The following SLC12A5 variants were observed in gnomAD, a reference collection of about 807,000 sequenced individuals.
SLC12A5 encodes solute carrier family 12 member 5, also known as K-Cl cotransporter 2.
A neutral mutation model predicts 124.0 loss-of-function variants in SLC12A5; 18 were observed. The observed-to-expected ratio is 0.15, with a 90% confidence interval of 0.10 to 0.22. SLC12A5 has a LOEUF of 0.22. SLC12A5 is among the 10% of genes least tolerant of loss of function. The probability of loss-of-function intolerance (pLI) is 1.00; values close to 1 mark genes in which losing one functional copy is unlikely to be tolerated. For missense variants in SLC12A5, 867 were observed against 1,478.7 expected, an observed-to-expected ratio of 0.59 and a Z score of 6.78; for synonymous variants, 589 against 568.0, an observed-to-expected ratio of 1.04 and a Z score of -0.53.
chr20:46,030,829 A>C (rs1329824709), intron 1 of SLC12A5, among the ~76,000 whole-genome samples: 1 of 147,648 alleles, frequency 6.8e-6, no homozygotes, highest in East Asian at 2.1e-4. Context: ...GCTTCCCGCA[A>C]CTCCTCATTC....
At chr20:46,034,737 C>T (rs2084482002) in intron 1 of SLC12A5, among the ~76,000 whole-genome samples, 4 of 152,162 alleles carry the variant, frequency 2.6e-5, no homozygotes, top group Admixed American at 2.6e-4. Flanking sequence ...GAAGCACTCA[C>T]ACATCTGTTA....
chr20:46,036,818 G>A, intron 5 of SLC12A5, 23 bp downstream of exon 5: 4 of 1,613,712 alleles, frequency 2.5e-6, no homozygotes, highest in Non-Finnish European at 3.4e-6. Flanking sequence ...GGCTTTGTGG[G>A]GAGGGAGGAT....
In SLC12A5 at chr20:46,056,389, G is replaced by A. The variant is rs751920054; in HGVS notation, c.2935G>A (p.Ala979Thr). 8.1e-6 allele frequency: 13 copies of A among 1,612,314 alleles called. No homozygotes were observed. The highest frequency in any genetic ancestry group is 1.6e-4 in the Middle Eastern group (1 of 6,070). The change falls in exon 23 of 26, where the codon GCT becomes ACT. Residue 979 changes from alanine to threonine, a missense_variant. Ala to Thr is a moderately conservative substitution (Grantham distance 58). This residue lies in a region of SLC12A5 where 180 missense variants were observed against 243.6 expected (regional missense o/e 0.74). Transcript: ENST00000243964. The surrounding 1 kb of genome is among the most constrained non-coding windows in gnomAD (Gnocchi z 4.3). The stretch of plus-strand genomic sequence containing the variant: ...GGTGCAGCTGATCCACGATCAGAGT[G>A]CTCCCAGCTGCCCCAGCAGCTCCCC... ...EEVQLIHDQS[A>T]PSCPSSSPSP...
chr20:46,044,295 TG>T (rs1298719296), intron 11 of SLC12A5, among the ~76,000 whole-genome samples: 18 of 152,070 alleles, frequency 1.2e-4, no homozygotes, highest in African/African-American at 3.9e-4. Flanking sequence ...AAATAACACA[TG>T]GTTTTTGTAC....
In SLC12A5 at chr20:46,037,752, C is replaced by T. The variant is rs80128075; in HGVS notation, c.612+367C>T. Among the ~76,000 whole-genome samples the T allele has an allele frequency of 8.5e-3, 1,297 of 152,170 alleles. 11 individuals are homozygous for T. Among genetic ancestry groups the T allele is most frequent in the Admixed American group, 0.014 (213 of 15,294 alleles). ...CAAGGTCACTCAGCTCTCAGATAGGCGGCAGAGGTGGGTTGATGAGTTAAA... is the reference window on the plus strand; with the variant it reads ...CAAGGTCACTCAGCTCTCAGATAGGTGGCAGAGGTGGGTTGATGAGTTAAA... On this transcript the variant is annotated intron_variant, in intron 6 of 25. Coordinates refer to ENST00000243964, the MANE Select transcript of SLC12A5 (RefSeq NM_020708.5).
intron 18 of SLC12A5, 91 bp from the exon 19 acceptor site, chr20:46,052,866 T>A: frequency 7.1e-7 from 1 of 1,417,872 alleles, no homozygotes; most frequent in Non-Finnish European, 9.5e-7. Context: ...GGTGGAGTGC[T>A]GGCTGCCAGG....
At chr20:46,048,891 A>G (rs2084624134) in intron 16 of SLC12A5, among the ~76,000 whole-genome samples, 1 of 148,890 alleles carries the variant, frequency 6.7e-6, no homozygotes, top group African/African-American at 2.5e-5. Flanking sequence ...GGGAAATTGG[A>G]GGTCAGAGAG....
At chr20:46,048,878 A>AG (rs11474566) in intron 16 of SLC12A5, among the ~76,000 whole-genome samples, 6,882 of 149,154 alleles carry the variant, frequency 0.046, 191 homozygotes, top group Middle Eastern at 0.063. Context: ...AAAAAAAAAA[A>AG]GGGGGAAATT....
intron 1 of SLC12A5, 63 bp from the exon 2 acceptor site, chr20:46,034,885 T>C: frequency 6.8e-7 from 1 of 1,465,832 alleles, no homozygotes; most frequent in Non-Finnish European, 9.6e-7. Flanking sequence ...TACACCACTG[T>C]ATGCCCAGGT....
At chr20:46,038,235 G>A (rs1418347633) in intron 6 of SLC12A5, 1 of 152,106 alleles carries the variant, frequency 6.6e-6, no homozygotes. Context: ...GTCTCACTCT[G>A]TTGCCCAGGC....
chr20:46,041,262 G>A lies in SLC12A5; in HGVS notation c.855-67G>A, dbSNP rs910100913. On this transcript the variant is annotated intron_variant, in intron 7 of 25. Coordinates refer to ENST00000243964, the MANE Select transcript of SLC12A5 (RefSeq NM_020708.5). Reference sequence around the variant, plus strand: ...CCGTGTGTTTAAAAGGTCTCCCGGTGGCTGTATTGTGCAGCGAGGGCAAGG... The same window carrying A: ...CCGTGTGTTTAAAAGGTCTCCCGGTAGCTGTATTGTGCAGCGAGGGCAAGG... The A allele has an allele frequency of 2.4e-5, 34 of 1,390,680 alleles. 1 individual carries two copies. The highest frequency in any genetic ancestry group is 3.2e-5 in the Non-Finnish European group (32 of 985,902). The allele number at this position is 1,390,680 out of a possible 1,614,324, so 86.1% of individuals were successfully genotyped here.
In SLC12A5 at chr20:46,057,673, C is replaced by A. The variant is rs1359686684; in HGVS notation, c.*68C>A. The A allele has an allele frequency of 1.6e-6, 2 of 1,218,434 alleles. No individual in the cohort carries two copies. Among genetic ancestry groups the A allele is most frequent in the Non-Finnish European group, 2.3e-6 (2 of 870,214 alleles). 75.5% of individuals were successfully genotyped at this position (1,218,434 alleles called of 1,614,324 possible). On this transcript the variant is annotated 3_prime_UTR_variant, in exon 26 of 26. Transcript: ENST00000243964. The surrounding 1 kb of genome is among the most constrained non-coding windows in gnomAD (Gnocchi z 7.1). ...GGCTCCGGAGCCCTCGCCGCGCCCC[C>A]CGCCGCTGTCACCGTTTACATACAG...
In SLC12A5 at chr20:46,056,347, G is replaced by A. The variant is rs371561644; in HGVS notation, c.2911-18G>A. On this transcript the variant is annotated intron_variant, in intron 22 of 25. Coordinates refer to ENST00000243964, the MANE Select transcript of SLC12A5 (RefSeq NM_020708.5). The surrounding 1 kb of genome is among the most constrained non-coding windows in gnomAD (Gnocchi z 4.3). ...GCCTCCAAAGGACTCAACTGCCATC[G>A]CTTCATTCATCCCTCAGGTGCAGCT... 9.5e-5 allele frequency: 152 copies of A among 1,608,234 alleles called. No individual in the cohort carries two copies. The South Asian group carries it at 1.3e-3, about 14-fold the overall frequency.
At chr20:46,049,254 G>A (rs1046276866) in intron 16 of SLC12A5, among the ~76,000 whole-genome samples, 3 of 152,220 alleles carry the variant, frequency 2.0e-5, no homozygotes, top group Admixed American at 6.5e-5. Flanking sequence ...AAATAGATGG[G>A]TAGATGGATA....
At chr20:46,051,520 T>G (rs902060829) in intron 17 of SLC12A5, among the ~76,000 whole-genome samples, 155 bp from the exon 18 acceptor site, 4 of 152,168 alleles carry the variant, frequency 2.6e-5, no homozygotes, top group Non-Finnish European at 5.9e-5. Context: ...GGGAGCCATG[T>G]GCCATTCTGG....
rs762550931 is a variant in SLC12A5 at position 46,036,825 on chromosome 20, G to A, written c.481+30G>A. The A allele has an allele frequency of 3.1e-6, 5 of 1,613,420 alleles. No homozygotes were observed. The Admixed American group carries it at 8.3e-5, about 27-fold the overall frequency. Reference sequence around the variant, plus strand: ...GTGACTGGGGCTTTGTGGGGAGGGAGGATGGCTGGGTGGAAGGAGGGATAG... The same window carrying A: ...GTGACTGGGGCTTTGTGGGGAGGGAAGATGGCTGGGTGGAAGGAGGGATAG... On this transcript the variant is annotated intron_variant, in intron 5 of 25. Transcript: ENST00000243964.
intron 16 of SLC12A5, among the ~76,000 whole-genome samples, chr20:46,048,966 G>A (rs2084624658): frequency 6.6e-6 from 1 of 152,082 alleles, no homozygotes; most frequent in Non-Finnish European, 1.5e-5. Flanking sequence ...CTTAGCCCTG[G>A]GTGCTGCATG....
chr20:46,035,718 A>G, intron 3 of SLC12A5, 59 bp from the exon 4 acceptor site: 1 of 1,561,994 alleles, frequency 6.4e-7, no homozygotes, highest in Non-Finnish European at 8.7e-7. Context: ...GAGGAGGAGC[A>G]CACCTGGGGT....
chr20:46,042,969 T>C (rs2084561126), intron 8 of SLC12A5, among the ~76,000 whole-genome samples, 184 bp from the exon 9 acceptor site: 1 of 152,194 alleles, frequency 6.6e-6, no homozygotes, highest in Non-Finnish European at 1.5e-5. Context: ...GTGAAAGGTC[T>C]GTACATAGCC....
Sources: allele counts gnomAD v4.1 joint callset (sites outside exome capture counted in the v4.1 genomes callset), GRCh38; gene constraint gnomAD v4.1.1; regional missense constraint gnomAD v4.1.1; non-coding constraint Gnocchi (gnomAD v3.1); transcripts MANE v1.5; gene names NCBI Gene and HGNC (gene_info 2026-07-23, HGNC 2026-07-21).